MEFV: variants seen among roughly 807,000 people sequenced by gnomAD.
MEFV encodes the protein pyrin.
A neutral mutation model predicts 62.5 loss-of-function variants in MEFV; 60 were observed. The ratio of observed to expected loss-of-function variants is 0.96; its 90% CI spans 0.78 to 1.19. The LOEUF (loss-of-function observed/expected upper bound fraction) is 1.19, where lower values mean the gene tolerates loss of function less well. MEFV is among the 50% of genes most tolerant of loss of function. The pLI, the probability that MEFV is intolerant of heterozygous loss-of-function variation, is 0.00. For synonymous variants in MEFV, 500 were observed against 415.2 expected (o/e 1.20, Z -2.48); for missense variants, 1,169 against 1,004.5 (o/e 1.16, Z -2.21).
At chr16:3,244,141 C>T (rs1958903705) in intron 8 of MEFV, 113 bp downstream of exon 8, 21 of 1,552,604 alleles carry the variant, frequency 1.4e-5, no homozygotes, top group Non-Finnish European at 1.7e-5. Context: ...CCTACCTTTG[C>T]TCCAGGTGTT....
chr16:3,243,970 C>T (rs747068192), intron 8 of MEFV, 78 bp from the exon 9 acceptor site: 5 of 1,585,412 alleles, frequency 3.2e-6, no homozygotes, highest in Non-Finnish European at 4.3e-6. Context: ...GTCCTGACAA[C>T]AAGGAAAGAC....
intron 2 of MEFV, 72 bp from the exon 3 acceptor site, chr16:3,249,852 C>G: frequency 1.7e-6 from 2 of 1,203,134 alleles, no homozygotes; most frequent in Non-Finnish European, 2.4e-6. Context: ...TCACAAAGCA[C>G]AGCGGACACA....
chr16:3,247,250 G>A lies in MEFV; in HGVS notation c.1357-4C>T, dbSNP rs1272364304. 5 of 1,613,736 alleles carry A rather than the reference G, an allele frequency of 3.1e-6. No homozygotes were observed. In the African/African-American group the frequency reaches 4.0e-5, roughly 13 times the overall value. On this transcript the variant is annotated splice_polypyrimidine_tract_variant and splice_region_variant and intron_variant, in intron 4 of 9. Coordinates refer to ENST00000219596, the MANE Select transcript of MEFV (RefSeq NM_000243.3). ...GCTTCAGCGCTTCAGTTTGTTTCTGGGGAGCAGAGGACAGGGAGGTATGGG... is the reference window on the plus strand; with the variant it reads ...GCTTCAGCGCTTCAGTTTGTTTCTGAGGAGCAGAGGACAGGGAGGTATGGG...
intron 2 of MEFV, among the ~76,000 whole-genome samples, chr16:3,251,041 A>G (rs955410620): frequency 4.6e-4 from 70 of 151,304 alleles, no homozygotes; most frequent in Non-Finnish European, 6.5e-4. Context: ...AAAAAAAAAA[A>G]AAAAAGAAAT....
Position 3,256,294 on chromosome 16 carries a change from G to A in MEFV, c.277+17C>T, listed in dbSNP as rs372925253. 6 of 1,612,364 alleles carry A rather than the reference G, an allele frequency of 3.7e-6. No homozygotes were observed. In the African/African-American group the frequency reaches 5.3e-5, roughly 14 times the overall value. ...AGCACTCAGCACTGGATGAGGAGGAGGCCTGGGCCCGCTTACCCTGAATGG... is the reference window on the plus strand; with the variant it reads ...AGCACTCAGCACTGGATGAGGAGGAAGCCTGGGCCCGCTTACCCTGAATGG... On this transcript the variant is annotated intron_variant, in intron 1 of 9. Transcript: ENST00000219596.
At position 3,243,123 on chromosome 16, in the gene MEFV, A is replaced by G. The variant is rs765049389; in HGVS notation, c.*18T>C. 1 of 1,611,820 alleles carries G rather than the reference A, an allele frequency of 6.2e-7. No individual in the cohort carries two copies. Among genetic ancestry groups the G allele is most frequent in the African/African-American group, 1.3e-5 (1 of 74,978 alleles). On this transcript the variant is annotated 3_prime_UTR_variant, in exon 10 of 10. Transcript: ENST00000219596. ...GATACAAGGCCAGAAGCAGGAAGAG[A>G]GATGCAGTGTTGGGCATTCAGTCAG...
At chr16:3,253,997 G>A (rs778487180) in intron 2 of MEFV, among the ~76,000 whole-genome samples, 161 bp downstream of exon 2, 11 of 152,010 alleles carry the variant, frequency 7.2e-5, no homozygotes, top group Non-Finnish European at 1.2e-4. Context: ...AGAGATGGCG[G>A]GGGTCTCACT....
intron 4 of MEFV, 92 bp from the exon 5 acceptor site, chr16:3,247,338 G>C (rs934867720): frequency 9.2e-7 from 1 of 1,092,532 alleles, no homozygotes; most frequent in Non-Finnish European, 1.4e-6. Context: ...CCTGGAGGTG[G>C]ATAAGAGGTG....
chr16:3,252,220 C>T (rs1959045626), intron 2 of MEFV, among the ~76,000 whole-genome samples: 1 of 151,484 alleles, frequency 6.6e-6, no homozygotes, highest in Admixed American at 6.6e-5. Context: ...ACTCATGCAG[C>T]ATACCACATC....
chr16:3,252,315 C>G (rs576038840), intron 2 of MEFV, among the ~76,000 whole-genome samples: 156 of 150,796 alleles, frequency 1.0e-3, no homozygotes, highest in Middle Eastern at 6.8e-3. Flanking sequence ...CTCTTGTCGC[C>G]CAGGCTAGAG....
chr16:3,251,006 C>A (rs1182722494), intron 2 of MEFV, among the ~76,000 whole-genome samples: 2 of 116,056 alleles, frequency 1.7e-5, no homozygotes, highest in South Asian at 2.7e-4. Flanking sequence ...TCTGGGTGAC[C>A]AAGAGAGACT....
chr16:3,255,405 C>G (rs1959102528), intron 1 of MEFV, among the ~76,000 whole-genome samples: 1 of 152,120 alleles, frequency 6.6e-6, no homozygotes, highest in Non-Finnish European at 1.5e-5. Flanking sequence ...ATGTATTTCT[C>G]TCTCTCTTAT....
intron 6 of MEFV, 47 bp downstream of exon 6, chr16:3,246,478 T>C (rs56260135): frequency 1.9e-6 from 3 of 1,612,430 alleles, no homozygotes; most frequent in African/African-American, 2.7e-5. Context: ...CTCCCCCATA[T>C]GCTTTCTGCA....
chr16:3,243,379 C>T lies in MEFV; in HGVS notation c.2108G>A (p.Ser703Asn). ...MMKENEYQASSVPPTRLLIKE... is the reference protein window; with the variant it reads ...MMKENEYQASNVPPTRLLIKE... Reference sequence around the variant, plus strand: ...TATTAGCAGGCGGGTCGGGGGAACGCTGGACGCCTGGTACTCATTTTCCTT... The same window carrying T: ...TATTAGCAGGCGGGTCGGGGGAACGTTGGACGCCTGGTACTCATTTTCCTT... Residue 703 changes from serine (S) to asparagine (N), a missense_variant, in exon 10 of 10, where the codon AGC becomes AAC. By Grantham distance (46) the Ser-to-Asn change is conservative. Transcript: ENST00000219596. The T allele has an allele frequency of 6.2e-7, 1 of 1,614,172 alleles. No homozygotes were observed. Among genetic ancestry groups the T allele is most frequent in the Non-Finnish European group, 8.5e-7 (1 of 1,180,036 alleles).
intron 4 of MEFV, chr16:3,248,602 TG>T: frequency 1.8e-6 from 1 of 564,996 alleles, no homozygotes; most frequent in African/African-American, 1.9e-5. Flanking sequence ...AAAAAGAAAG[TG>T]GCGTTCTCCT....
rs57491015 is a variant in MEFV, at chr16:3,248,214, G to A, written c.1356+695C>T. The stretch of plus-strand genomic sequence containing the variant: ...GTGGAGGTTGGAGCAAGCCAAGATC[G>A]TGCCACTGTACTCCAGCCTGGGTGA... On this transcript the variant is annotated intron_variant, in intron 4 of 9. Coordinates refer to ENST00000219596, the MANE Select transcript of MEFV (RefSeq NM_000243.3). 8.7e-3 allele frequency among the ~76,000 whole-genome samples: 1,316 copies of A among 150,700 alleles called. 14 individuals carry two copies. The highest frequency in any genetic ancestry group is 0.03 in the African/African-American group (1,221 of 40,956).
chr16:3,252,052 A>T (rs1406884482), intron 2 of MEFV: 20 of 43,980 alleles, frequency 4.5e-4, no homozygotes, highest in Non-Finnish European at 9.1e-4. Flanking sequence ...CCCCATATCT[A>T]AAAAAAAAAA....
rs1017341912 is a variant in MEFV, at chr16:3,242,747, G to C, written c.*394C>G. ...TTCTATCCCAATCCAGTCTGCTTGCGTTTCTCTAGGCTTCCCATATCCTCA... is the reference window on the plus strand; with the variant it reads ...TTCTATCCCAATCCAGTCTGCTTGCCTTTCTCTAGGCTTCCCATATCCTCA... On this transcript the variant is annotated 3_prime_UTR_variant, in exon 10 of 10. Transcript: ENST00000219596. 2 of 289,222 alleles carry C rather than the reference G, an allele frequency of 6.9e-6. No homozygotes were observed. Among genetic ancestry groups the C allele is most frequent in the South Asian group, 3.4e-5 (1 of 29,342 alleles). 17.9% of individuals were successfully genotyped at this position (289,222 alleles called of 1,614,324 possible). A position where few individuals can be genotyped will look rare whatever the true frequency, so the allele number is the denominator to read the frequency against.
In MEFV at chr16:3,243,489, G is replaced by C; in HGVS notation, c.1998C>G (p.Ile666Met). 6.2e-7 allele frequency: 1 copy of C among 1,614,014 alleles called. No individual in the cohort carries two copies. The highest frequency in any genetic ancestry group is 8.5e-7 in the Non-Finnish European group (1 of 1,180,018). ...EVEVGDKTAW[I>M]LGACKTSISR... ...TTATGGATGTCTTGCAGGCTCCCAG[G>C]ATCCATGCTGTCTTGTCTCCAACCT... The change falls in exon 10 of 10, where the codon ATC (isoleucine) becomes ATG (methionine). Residue 666 changes from isoleucine to methionine, a missense_variant. Transcript: ENST00000219596.
Sources: gnomAD v4.1 joint callset for allele counts (sites outside exome capture counted in the v4.1 genomes callset) on GRCh38, gnomAD v4.1.1 for gene constraint, MANE v1.5 for transcripts, NCBI Gene and HGNC (gene_info 2026-07-23, HGNC 2026-07-21) for gene names.